Variants in PSG2 observed in about 807,000 individuals in gnomAD.
PSG2 encodes the protein pregnancy specific beta-1-glycoprotein 2.
Under a neutral mutation model 36.2 loss-of-function variants are expected in PSG2, and 49 were observed. The observed-to-expected ratio is 1.35, with a 90% CI of 1.08 to 1.72. The LOEUF (loss-of-function observed/expected upper bound fraction) is 1.72, where lower values mean the gene tolerates loss of function less well. Among genes scored for constraint, PSG2 ranks in the 40% most tolerant of loss-of-function variants. The pLI is 0.00. For synonymous variants in PSG2, 261 were observed against 155.6 expected (o/e 1.68, Z -5.04); for missense variants, 605 against 407.2 (o/e 1.49, Z -4.18).
intron 3 of PSG2, among the ~76,000 whole-genome samples, chr19:43,074,242 T>G (rs1440392623): frequency 6.6e-5 from 10 of 151,560 alleles, no homozygotes; most frequent in African/African-American, 1.5e-4. Context: ...AATGTTACTG[T>G]GATTCTGGGA....
At chr19:43,076,450 A>G (rs754765578) in intron 2 of PSG2, among the ~76,000 whole-genome samples, 8 of 151,808 alleles carry the variant, frequency 5.3e-5, no homozygotes, top group Admixed American at 1.3e-4. Flanking sequence ...TGCAAATGCG[A>G]AACTGACTGG....
intron 3 of PSG2, among the ~76,000 whole-genome samples, chr19:43,074,983 C>A (rs1028549874): frequency 6.6e-6 from 1 of 151,564 alleles, no homozygotes. Flanking sequence ...GTCACAGGCA[C>A]TATTGTCAGA....
Position 43,077,936 on chromosome 19 carries a change from C to T in PSG2, c.431-2304G>A, listed in dbSNP as rs559407803. 1.7e-4 allele frequency among the ~76,000 whole-genome samples: 26 copies of T among 151,636 alleles called. No individual in the cohort carries two copies. In the South Asian group the frequency reaches 5.0e-3, roughly 29 times the overall value. ...ATTCCAAGCTTGTTATATGCCTGAC[C>T]GGAAGCCAGAAGTCTCTAGGAAGTG... On this transcript the variant is annotated intron_variant, in intron 2 of 5. Coordinates refer to ENST00000406487, the MANE Select transcript of PSG2 (RefSeq NM_031246.4).
At chr19:43,075,822 T>C (rs1487507201) in intron 2 of PSG2, among the ~76,000 whole-genome samples, 190 bp from the exon 3 acceptor site, 1 of 151,552 alleles carries the variant, frequency 6.6e-6, no homozygotes, top group Non-Finnish European at 1.5e-5. Context: ...CTGCCTGCTT[T>C]ATGTGGGAGA....
intron 1 of PSG2, 63 bp from the exon 2 acceptor site, chr19:43,081,309 C>A (rs1967970987): frequency 6.4e-7 from 1 of 1,554,702 alleles, no homozygotes; most frequent in African/African-American, 1.4e-5. Context: ...AAAGATGGGG[C>A]CCTGGGTCCT....
chr19:43,080,530 C>A (rs1297399833), intron 2 of PSG2, among the ~76,000 whole-genome samples: 1 of 151,664 alleles, frequency 6.6e-6, no homozygotes, highest in African/African-American at 2.4e-5. Context: ...GAGAGTATCT[C>A]AGGGGACCCC....
At chr19:43,068,289 A>G (rs1568510842) in intron 4 of PSG2, among the ~76,000 whole-genome samples, 2 of 151,332 alleles carry the variant, frequency 1.3e-5, no homozygotes, top group Admixed American at 6.6e-5. Flanking sequence ...TAAAAAACCA[A>G]TTAGCTGGGC....
At chr19:43,067,916 C>G (rs7245572) in intron 4 of PSG2, among the ~76,000 whole-genome samples, 1,912 of 151,200 alleles carry the variant, frequency 0.013, 69 homozygotes, top group African/African-American at 0.043. Flanking sequence ...CAACAACCTA[C>G]TTTAATACTT....
Position 43,081,275 on chromosome 19 carries a change from ATT to A in PSG2, c.65-31_65-30del, listed in dbSNP as rs760097085. On this transcript the variant is annotated intron_variant, in intron 1 of 5. Transcript: ENST00000406487. ...GGAGGTGGAGAGAGCATCAGACAATATTGAGACCTATGTATTGGGGTGAAAAG... is the reference window on the plus strand; with the variant it reads ...GGAGGTGGAGAGAGCATCAGACAATAGAGACCTATGTATTGGGGTGAAAAG... 1.9e-5 allele frequency: 30 copies of A among 1,600,396 alleles called. No homozygotes were observed. In the Middle Eastern group the frequency reaches 5.0e-4, roughly 27 times the overall value.
At chr19:43,071,503 G>A (rs1018872408) in intron 4 of PSG2, among the ~76,000 whole-genome samples, 197 bp downstream of exon 4, 1 of 151,622 alleles carries the variant, frequency 6.6e-6, no homozygotes, top group Admixed American at 6.6e-5. Flanking sequence ...GAGACACAAG[G>A]TCAGCCATGA....
chr19:43,068,178 T>C (rs1967766860), intron 4 of PSG2, among the ~76,000 whole-genome samples: 1 of 151,428 alleles, frequency 6.6e-6, no homozygotes, highest in African/African-American at 2.4e-5. Context: ...GGGTCATGTT[T>C]TAATCCTAGC....
intron 3 of PSG2, chr19:43,072,745 C>G: frequency 6.6e-7 from 1 of 1,520,248 alleles, no homozygotes; most frequent in Non-Finnish European, 8.9e-7. Flanking sequence ...CCTTGAAAGC[C>G]AATAACTGGT....
Position 43,066,545 on chromosome 19 carries a change from A to G in PSG2, c.*12T>C, listed in dbSNP as rs755729738. On this transcript the variant is annotated 3_prime_UTR_variant, in exon 5 of 6. Transcript: ENST00000406487. ...CCAGTCTTCCTGAAATACAGAAATG[A>G]CATCACAGCTGCTATGTTGGATTAA... 2 of 1,589,194 alleles carry G rather than the reference A, an allele frequency of 1.3e-6. No homozygotes were observed. The highest frequency in any genetic ancestry group is 1.1e-5 in the South Asian group (1 of 90,572).
chr19:43,081,050 T>G lies in PSG2; in HGVS notation c.261A>C (p.Gln87His). The G allele has an allele frequency of 6.2e-7, 1 of 1,613,030 alleles. No individual in the cohort carries two copies. The change falls in exon 2 of 6, where the codon CAA (glutamine) becomes CAC (histidine). Residue 87 changes from glutamine (Q) to histidine (H), a missense_variant. By Grantham distance (24) the Gln-to-His change is conservative. Coordinates refer to ENST00000406487, the MANE Select transcript of PSG2 (RefSeq NM_031246.4). ...TATATGCAGGCCCATATATAATTAT[T>G]TGACCGTCTACTACATATGATGTAA... ...HYITSYVVDG[Q>H]IIIYGPAYSG...
chr19:43,081,328 C>A, intron 1 of PSG2, 82 bp from the exon 2 acceptor site: 1 of 1,495,900 alleles, frequency 6.7e-7, no homozygotes, highest in South Asian at 1.3e-5. Flanking sequence ...CTGAGGAGGT[C>A]TCTTCAATCC....
Position 43,067,264 on chromosome 19 carries a change from C to T in PSG2, c.965-664G>A, listed in dbSNP as rs765886192. On this transcript the variant is annotated intron_variant, in intron 4 of 5. Transcript: ENST00000406487. ...TTCTCCCATACTACCTTCATGCCTGCCCCACATTCCCTCACAGATGTCTTC... is the reference window on the plus strand; with the variant it reads ...TTCTCCCATACTACCTTCATGCCTGTCCCACATTCCCTCACAGATGTCTTC... 1.9e-4 allele frequency among the ~76,000 whole-genome samples: 28 copies of T among 151,192 alleles called. 1 individual carries two copies. Among genetic ancestry groups the T allele is most frequent in the Non-Finnish European group, 2.8e-4 (19 of 67,902 alleles).
At chr19:43,072,273 GGA>G (rs1407794236) in intron 3 of PSG2, 3 of 1,582,428 alleles carry the variant, frequency 1.9e-6, no homozygotes, top group African/African-American at 2.7e-5. Flanking sequence ...TACTTGGACC[GGA>G]GAGAGACTGA....
chr19:43,072,613 G>T, intron 3 of PSG2: 27 of 1,611,552 alleles, frequency 1.7e-5, no homozygotes, highest in Non-Finnish European at 2.2e-5. Context: ...TGGTGATTTA[G>T]GGCTTGGGCA....
chr19:43,082,086 A>G (rs1291950762), intron 1 of PSG2: 1 of 160,082 alleles, frequency 6.2e-6, no homozygotes, highest in Non-Finnish European at 1.3e-5. Context: ...TCCAGGCTCC[A>G]ACAGAGCCTT....
Sources: allele counts gnomAD v4.1 joint callset (sites outside exome capture counted in the v4.1 genomes callset), GRCh38; gene constraint gnomAD v4.1.1; transcripts MANE v1.5; gene names NCBI Gene and HGNC (gene_info 2026-07-23, HGNC 2026-07-21).